Variants in DOK6 observed in about 807,000 individuals in gnomAD.
DOK6 encodes docking protein 6.
In DOK6, 22 loss-of-function variants were observed where a neutral mutation model predicts 44.0. The ratio of observed to expected loss-of-function variants is 0.50; its 90% confidence interval spans 0.36 to 0.71. The LOEUF is 0.71. DOK6 is among the 30% of genes least tolerant of loss of function. The pLI is 0.00. For synonymous variants in DOK6, 166 were observed against 145.5 expected (o/e 1.14, Z -1.01); for missense variants, 340 against 416.4 (o/e 0.82, Z 1.60).
chr18:69,514,834 T>TATATAG (rs1981472141), intron 1 of DOK6, among the ~76,000 whole-genome samples: 3 of 93,770 alleles, frequency 3.2e-5, no homozygotes, highest in Non-Finnish European at 5.6e-5. Context: ...AAGCTCTCCA[T>TATATAG]ATATATTTTT....
At chr18:69,732,765 T>C (rs954450116) in intron 5 of DOK6, among the ~76,000 whole-genome samples, 2 of 152,192 alleles carry the variant, frequency 1.3e-5, no homozygotes, top group African/African-American at 4.8e-5. Flanking sequence ...ACTCTTTCAT[T>C]TAAAAGCTGA....
chr18:69,536,831 A>C (rs1982134864), intron 1 of DOK6, among the ~76,000 whole-genome samples: 1 of 151,984 alleles, frequency 6.6e-6, no homozygotes, highest in South Asian at 2.1e-4. Flanking sequence ...AGAAAGTCTA[A>C]GTTGTTTGGT....
At chr18:69,553,225 C>G (rs926049127) in intron 1 of DOK6, among the ~76,000 whole-genome samples, 3 of 152,268 alleles carry the variant, frequency 2.0e-5, no homozygotes, top group Admixed American at 2.0e-4. Context: ...AATAAAACAT[C>G]GACTGGAGAA....
intron 7 of DOK6, among the ~76,000 whole-genome samples, chr18:69,826,408 C>T (rs1981741328): frequency 6.6e-6 from 1 of 152,110 alleles, no homozygotes; most frequent in Non-Finnish European, 1.5e-5. Context: ...AAAAATAATT[C>T]ATAAAAATAT....
intron 5 of DOK6, among the ~76,000 whole-genome samples, chr18:69,737,205 CAAAGG>C (rs1187539530): frequency 6.6e-6 from 1 of 152,128 alleles, no homozygotes; most frequent in Non-Finnish European, 1.5e-5. Context: ...GGATAATTTA[CAAAGG>C]AAAGAGGTTT....
chr18:69,531,958 C>T (rs139620844), intron 1 of DOK6, among the ~76,000 whole-genome samples: 10 of 152,120 alleles, frequency 6.6e-5, no homozygotes, highest in African/African-American at 2.4e-4. Flanking sequence ...GATGAGGTCA[C>T]GAGGGTGGGG....
At chr18:69,612,675 C>T (rs73459916) in intron 3 of DOK6, among the ~76,000 whole-genome samples, 1,519 of 150,918 alleles carry the variant, frequency 0.01, 28 homozygotes, top group African/African-American at 0.034. Flanking sequence ...ACTCTGTTCA[C>T]GGTCTCTCTA....
rs117218826 is a variant in DOK6, at chr18:69,665,290, C to T, written c.290-12444C>T. Among the ~76,000 whole-genome samples the T allele has an allele frequency of 4.7e-4, 71 of 152,298 alleles. No individual in the cohort carries two copies. In the East Asian group the frequency reaches 0.012, roughly 25 times the overall value. The stretch of plus-strand genomic sequence containing the variant: ...GGCAATGCAAGGTTGTCCCTACAGC[C>T]AGTCCAGATGTGACTCTTTATGAGC... On this transcript the variant is annotated intron_variant, in intron 3 of 7. Transcript: ENST00000382713.
chr18:69,609,253 C>T (rs1984077484), intron 3 of DOK6, among the ~76,000 whole-genome samples: 1 of 152,102 alleles, frequency 6.6e-6, no homozygotes, highest in East Asian at 1.9e-4. Context: ...AAACTATCTA[C>T]CTGATCAGCA....
At chr18:69,823,233 G>A (rs758445360) in intron 7 of DOK6, among the ~76,000 whole-genome samples, 3 of 152,122 alleles carry the variant, frequency 2.0e-5, no homozygotes, top group Non-Finnish European at 4.4e-5. Context: ...TCTCAACTCA[G>A]TATAATCTTA....
intron 3 of DOK6, among the ~76,000 whole-genome samples, chr18:69,637,445 T>C (rs752980891): frequency 3.3e-5 from 5 of 152,222 alleles, no homozygotes; most frequent in Admixed American, 6.5e-5. Context: ...TAAGCCTACA[T>C]AATTCCATTT....
At chr18:69,516,842 AT>A (rs34387851) in intron 1 of DOK6, among the ~76,000 whole-genome samples, 81 of 140,032 alleles carry the variant, frequency 5.8e-4, no homozygotes, top group East Asian at 5.7e-3. Context: ...CGCACGGCTA[AT>A]TTTTTTTTTT....
chr18:69,509,637 CAAAAAAAAA>C (rs1183367298), intron 1 of DOK6, among the ~76,000 whole-genome samples: 2 of 33,990 alleles, frequency 5.9e-5, no homozygotes, highest in African/African-American at 2.5e-4. Flanking sequence ...GGCTCTGTCT[CAAAAAAAAA>C]AAAAAAAAAA....
intron 5 of DOK6, among the ~76,000 whole-genome samples, chr18:69,706,271 C>T (rs535792348): frequency 6.6e-6 from 1 of 152,232 alleles, no homozygotes; most frequent in South Asian, 2.1e-4. Context: ...TTCAGATTTA[C>T]ATGTCAAAGG....
intron 4 of DOK6, 101 bp downstream of exon 4, chr18:69,677,954 T>A: frequency 6.9e-7 from 1 of 1,458,220 alleles, no homozygotes; most frequent in Non-Finnish European, 9.1e-7. Flanking sequence ...AATCATATTT[T>A]TTAAATCAAA....
chr18:69,731,289 CTATT>C (rs147997033), intron 5 of DOK6, among the ~76,000 whole-genome samples: 2,758 of 152,080 alleles, frequency 0.018, 65 homozygotes, highest in African/African-American at 0.061. Context: ...ATAATGGTAA[CTATT>C]TATGTTTTTA....
chr18:69,728,744 C>A (rs1978325887), intron 5 of DOK6, among the ~76,000 whole-genome samples: 1 of 152,168 alleles, frequency 6.6e-6, no homozygotes, highest in African/African-American at 2.4e-5. Flanking sequence ...TGCTGGGCAG[C>A]ATTTTTCTTA....
chr18:69,704,427 G>A (rs1403501472), intron 5 of DOK6, among the ~76,000 whole-genome samples: 1 of 151,014 alleles, frequency 6.6e-6, no homozygotes, highest in African/African-American at 2.4e-5. Flanking sequence ...TCAAAGTCCA[G>A]AGTCTGCAGG....
intron 4 of DOK6, among the ~76,000 whole-genome samples, chr18:69,691,681 A>C (rs1359163719): frequency 6.6e-6 from 1 of 152,238 alleles, no homozygotes; most frequent in Non-Finnish European, 1.5e-5. Context: ...GACAAGATAC[A>C]CTGCCACATT....
Sources: gnomAD v4.1 joint callset for allele counts (sites outside exome capture counted in the v4.1 genomes callset) on GRCh38, gnomAD v4.1.1 for gene constraint, MANE v1.5 for transcripts, NCBI Gene and HGNC (gene_info 2026-07-23, HGNC 2026-07-21) for gene names.